The following RSU1 variants were observed in gnomAD, a reference collection of about 807,000 sequenced individuals.
RSU1 encodes Ras suppressor protein 1.
A neutral mutation model predicts 31.1 loss-of-function variants in RSU1; 26 were observed. The observed-to-expected ratio is 0.84, with a 90% confidence interval of 0.61 to 1.16. The LOEUF (loss-of-function observed/expected upper bound fraction) is 1.16. Among genes scored for constraint, RSU1 ranks in the 50% most tolerant of loss-of-function variants. The pLI is 0.00. For synonymous variants in RSU1, 164 were observed against 136.3 expected, an observed-to-expected ratio of 1.20 and a Z score of -1.41; for missense variants, 320 against 339.1, an observed-to-expected ratio of 0.94 and a Z score of 0.44.
chr10:16,812,135 G>C (rs577152666), intron 2 of RSU1, among the ~76,000 whole-genome samples: 6 of 152,328 alleles, frequency 3.9e-5, no homozygotes, highest in Admixed American at 1.3e-4. Context: ...ACAACCTAGA[G>C]GAGTGAAAAC....
intron 7 of RSU1, among the ~76,000 whole-genome samples, chr10:16,742,506 A>G (rs775277832): frequency 6.6e-6 from 1 of 152,002 alleles, no homozygotes; most frequent in East Asian, 1.9e-4. Flanking sequence ...TAGGAACACT[A>G]TAATATATAG....
At chr10:16,603,018 CTCAT>C (rs1300227842) in intron 8 of RSU1, among the ~76,000 whole-genome samples, 1 of 152,138 alleles carries the variant, frequency 6.6e-6, no homozygotes, top group African/African-American at 2.4e-5. Context: ...TGTGAGAAGT[CTCAT>C]TAATTCAAAA....
intron 2 of RSU1, among the ~76,000 whole-genome samples, chr10:16,806,913 C>T (rs1838282538): frequency 6.6e-6 from 1 of 152,166 alleles, no homozygotes; most frequent in Non-Finnish European, 1.5e-5. Context: ...ACCACCACAC[C>T]CAGCTAATTC....
At chr10:16,734,690 A>C (rs1410204880) in intron 7 of RSU1, among the ~76,000 whole-genome samples, 1 of 152,256 alleles carries the variant, frequency 6.6e-6, no homozygotes, top group African/African-American at 2.4e-5. Flanking sequence ...GCAGGTGAAC[A>C]ATGCAACAGT....
intron 7 of RSU1, among the ~76,000 whole-genome samples, chr10:16,739,825 A>C (rs1215908117): frequency 6.6e-6 from 1 of 151,984 alleles, no homozygotes; most frequent in East Asian, 1.9e-4. Context: ...TGGTCAGGCT[A>C]GTCTTGAACT....
chr10:16,812,731 T>G (rs1180853208), intron 2 of RSU1, among the ~76,000 whole-genome samples: 2 of 151,958 alleles, frequency 1.3e-5, no homozygotes, highest in Admixed American at 1.3e-4. Flanking sequence ...TGATAAAGGC[T>G]TGACCACCCA....
intron 2 of RSU1, among the ~76,000 whole-genome samples, chr10:16,804,853 C>T (rs1588547550): frequency 6.6e-6 from 1 of 152,102 alleles, no homozygotes; most frequent in Admixed American, 6.6e-5. Flanking sequence ...AGAGGTAAAG[C>T]AGAGAGGATT....
chr10:16,764,251 T>A, intron 4 of RSU1, 139 bp downstream of exon 4: 1 of 1,002,360 alleles, frequency 1.0e-6, no homozygotes, highest in Non-Finnish European at 1.4e-6. Flanking sequence ...CAATAAAATT[T>A]TTTTAAGACC....
At chr10:16,648,171 G>A (rs1834609195) in intron 8 of RSU1, among the ~76,000 whole-genome samples, 1 of 148,316 alleles carries the variant, frequency 6.7e-6, no homozygotes, top group Non-Finnish European at 1.5e-5. Flanking sequence ...TCACTATGTT[G>A]CCTAGGCTGG....
intron 2 of RSU1, among the ~76,000 whole-genome samples, chr10:16,805,040 AT>A: frequency 6.6e-6 from 1 of 152,256 alleles, no homozygotes; most frequent in African/African-American, 2.4e-5. Context: ...TCTACTAAAA[AT>A]TAAAAAAAAA....
intron 7 of RSU1, among the ~76,000 whole-genome samples, chr10:16,701,719 G>C (rs1393140504): frequency 1.3e-5 from 2 of 152,158 alleles, no homozygotes; most frequent in East Asian, 3.8e-4. Context: ...CTGGTGTGAA[G>C]AGGCCCAGAA....
chr10:16,665,874 A>T (rs575849943), intron 8 of RSU1, among the ~76,000 whole-genome samples: 1 of 152,356 alleles, frequency 6.6e-6, no homozygotes, highest in South Asian at 2.1e-4. Context: ...CAAGGACTCA[A>T]CAGTTCAACT....
At chr10:16,794,358 G>A (rs1837983447) in intron 2 of RSU1, among the ~76,000 whole-genome samples, 1 of 152,166 alleles carries the variant, frequency 6.6e-6, no homozygotes, top group Admixed American at 6.5e-5. Context: ...CATTAAAAGG[G>A]AAGTGCCTGA....
At chr10:16,601,836 C>T (rs1389472333) in intron 8 of RSU1, among the ~76,000 whole-genome samples, 4 of 152,112 alleles carry the variant, frequency 2.6e-5, no homozygotes, top group Non-Finnish European at 4.4e-5. Flanking sequence ...GTGAGTTCTG[C>T]CACCTATTAG....
chr10:16,677,836 T>A (rs1351083389), intron 8 of RSU1, among the ~76,000 whole-genome samples: 1 of 152,194 alleles, frequency 6.6e-6, no homozygotes, highest in East Asian at 1.9e-4. Flanking sequence ...AATACATTTG[T>A]TAGTTGCAAG....
chr10:16,737,668 G>A (rs927176391), intron 7 of RSU1, among the ~76,000 whole-genome samples: 13 of 151,800 alleles, frequency 8.6e-5, no homozygotes, highest in African/African-American at 3.1e-4. Flanking sequence ...AAGGAAAGAA[G>A]AGCATCAGAA....
At chr10:16,703,290 G>A (rs932771660) in intron 7 of RSU1, among the ~76,000 whole-genome samples, 2 of 152,164 alleles carry the variant, frequency 1.3e-5, no homozygotes, top group African/African-American at 2.4e-5. Flanking sequence ...ATACAGCAGC[G>A]TTGGTTGTGT....
chr10:16,638,315 TGTGTAGTACC>T (rs1186055268), intron 8 of RSU1, among the ~76,000 whole-genome samples: 3 of 152,074 alleles, frequency 2.0e-5, no homozygotes, highest in Non-Finnish European at 4.4e-5. Context: ...CGCGCGCATG[TGTGTAGTACC>T]TTTTAACATC....
chr10:16,691,722 CTTTTTTTTTTT>C (rs58786188), intron 8 of RSU1, among the ~76,000 whole-genome samples: 8 of 106,042 alleles, frequency 7.5e-5, no homozygotes, highest in Non-Finnish European at 1.1e-4. Context: ...GCTGCTGCTT[CTTTTTTTTTTT>C]TTTTTTTTTT....
Sources: allele counts gnomAD v4.1 joint callset (sites outside exome capture counted in the v4.1 genomes callset), GRCh38; gene constraint gnomAD v4.1.1; transcripts MANE v1.5; gene names NCBI Gene and HGNC (gene_info 2026-07-23, HGNC 2026-07-21).